TRIM4: variants seen among roughly 807,000 people sequenced by gnomAD.
TRIM4 encodes E3 ubiquitin-protein ligase TRIM4.
In TRIM4, 29 loss-of-function variants were observed where a neutral mutation model predicts 33.7. That is an observed-to-expected ratio of 0.86 (90% CI 0.64 to 1.17). TRIM4 has a LOEUF of 1.17. Among genes scored for constraint, TRIM4 ranks in the 50% most tolerant of loss-of-function variants. The pLI is 0.00. For synonymous variants in TRIM4, 224 were observed against 233.0 expected, an observed-to-expected ratio of 0.96 and a Z score of 0.35; for missense variants, 554 against 593.7, an observed-to-expected ratio of 0.93 and a Z score of 0.69.
intron 1 of TRIM4, chr7:99,917,732 A>T: frequency 1.2e-6 from 1 of 833,514 alleles, no homozygotes; most frequent in Non-Finnish European, 1.4e-6. Flanking sequence ...AAACAATAAT[A>T]ATAAAATAAA....
intron 2 of TRIM4, 39 bp downstream of exon 2, chr7:99,909,523 GGAC>G (rs1456632150): frequency 7.0e-6 from 11 of 1,571,178 alleles, no homozygotes; most frequent in Non-Finnish European, 9.6e-6. Context: ...CAGACCAAAA[GGAC>G]CTCAGGAGCA....
intron 5 of TRIM4, among the ~76,000 whole-genome samples, chr7:99,897,098 A>T (rs1021498974): frequency 2.0e-5 from 3 of 152,160 alleles, no homozygotes; most frequent in African/African-American, 7.2e-5. Context: ...TGGAGTTAGG[A>T]CTATCATGAC....
chr7:99,909,579 C>T lies in TRIM4; in HGVS notation c.475G>A (p.Ala159Thr), dbSNP rs762624048. 5.6e-6 allele frequency: 9 copies of T among 1,613,962 alleles called. No individual in the cohort carries two copies. The highest frequency in any genetic ancestry group is 1.1e-5 in the South Asian group (1 of 91,072). Residue 159 changes from alanine to threonine, a missense_variant, in exon 2 of 6, where the codon GCC becomes ACC. Physicochemically the swap from Ala to Thr is moderately conservative, Grantham distance 58. Coordinates refer to ENST00000349062, the MANE Select transcript of TRIM4 (RefSeq NM_033091.3). Reference protein sequence around the residue: ...MHLQDVEVKNATQWKDKIKSQ... With the variant: ...MHLQDVEVKNTTQWKDKIKSQ... ...TCTGCCATTACCTTCCACTGTGTGG[C>T]GTTCTTCACTTCTACATCCTGTAAA... is the stretch of plus-strand genomic sequence containing the variant.
intron 3 of TRIM4, among the ~76,000 whole-genome samples, chr7:99,905,675 T>C (rs920383370): frequency 3.9e-5 from 6 of 152,226 alleles, no homozygotes; most frequent in Admixed American, 2.6e-4. Flanking sequence ...CAACCAAAAA[T>C]GTCTCTATAT....
chr7:99,903,540 C>T (rs981308722), intron 4 of TRIM4, 36 bp downstream of exon 4: 1 of 1,613,804 alleles, frequency 6.2e-7, no homozygotes, highest in Non-Finnish European at 8.5e-7. Flanking sequence ...CTTTACCATG[C>T]CACCCAGGTC....
chr7:99,915,081 A>G (rs1819524899), intron 1 of TRIM4, among the ~76,000 whole-genome samples: 1 of 152,180 alleles, frequency 6.6e-6, no homozygotes, highest in South Asian at 2.1e-4. Context: ...AAGTGCTGGG[A>G]TTACAGGCGT....
At chr7:99,904,599 T>C (rs1363426712) in intron 3 of TRIM4, among the ~76,000 whole-genome samples, 4 of 152,168 alleles carry the variant, frequency 2.6e-5, no homozygotes, top group Admixed American at 1.3e-4. Flanking sequence ...ATGTTGACAA[T>C]AGGGGAAACT....
chr7:99,916,650 C>A, intron 1 of TRIM4: 1 of 767,030 alleles, frequency 1.3e-6, no homozygotes, highest in Admixed American at 1.8e-5. Context: ...ATTATCACTC[C>A]ATCCCTCCCT....
At chr7:99,899,662 C>T (rs1819109317) in intron 5 of TRIM4, among the ~76,000 whole-genome samples, 1 of 152,282 alleles carries the variant, frequency 6.6e-6, no homozygotes, top group East Asian at 1.9e-4. Context: ...CAAAATACAC[C>T]ATATTTTGTC....
rs76595998 is a variant in TRIM4 at position 99,894,644 on chromosome 7, G to C, written c.842-1898C>G. 2.5e-3 allele frequency among the ~76,000 whole-genome samples: 381 copies of C among 150,642 alleles called. 1 individual carries two copies. Among genetic ancestry groups the C allele is most frequent in the African/African-American group, 8.5e-3 (348 of 40,910 alleles). On this transcript the variant is annotated intron_variant, in intron 5 of 5. Transcript: ENST00000349062. ...ATTGCACCACTGCGCCCCAGCCTAGGCAACAGACCAAGACTCCATCCCCCC... is the reference window on the plus strand; with the variant it reads ...ATTGCACCACTGCGCCCCAGCCTAGCCAACAGACCAAGACTCCATCCCCCC...
At chr7:99,917,902 G>T in intron 1 of TRIM4, 1 of 958,080 alleles carries the variant, frequency 1.0e-6, no homozygotes, top group Non-Finnish European at 1.2e-6. Context: ...GATAGATGTG[G>T]GTAGAGAAAG....
rs890678176 is a variant in TRIM4 at position 99,890,513 on chromosome 7, T to G, written c.*1650A>C. On this transcript the variant is annotated 3_prime_UTR_variant, in exon 6 of 6. Transcript: ENST00000349062. ...GACTGGATAAAGAAAACATAGTACATATACACCATGGAATACTATGCAGCC... is the reference window on the plus strand; with the variant it reads ...GACTGGATAAAGAAAACATAGTACAGATACACCATGGAATACTATGCAGCC... 4 of 152,128 alleles carry G rather than the reference T, an allele frequency of 2.6e-5. No individual in the cohort carries two copies. Among genetic ancestry groups the G allele is most frequent in the Non-Finnish European group, 5.9e-5 (4 of 68,022 alleles). 9.4% of individuals were successfully genotyped at this position (152,128 alleles called of 1,614,324 possible). A position where few individuals can be genotyped will look rare whatever the true frequency, so the allele number is the denominator to read the frequency against.
intron 1 of TRIM4, among the ~76,000 whole-genome samples, chr7:99,910,118 A>G (rs1819406264): frequency 6.6e-6 from 1 of 152,200 alleles, no homozygotes; most frequent in Non-Finnish European, 1.5e-5. Flanking sequence ...GGCCTATGAT[A>G]AGAACTATTC....
chr7:99,892,622 A>G lies in TRIM4; in HGVS notation c.966T>C (p.Phe322=), dbSNP rs1334941636. ...WPVFSSAWNY[F]AGWRNPQKTA... is the part of the protein sequence containing the mutation. ...TCTTCTGAGGATTCCTCCATCCAGC[A>G]AAGTAGTTCCATGCTGAAGAAAACA... is the stretch of plus-strand genomic sequence containing the variant. The change falls in exon 6 of 6, where the codon TTT becomes TTC. Residue 322 remains phenylalanine, a synonymous_variant. Coordinates refer to ENST00000349062, the MANE Select transcript of TRIM4 (RefSeq NM_033091.3). 8 of 1,614,088 alleles carry G rather than the reference A, an allele frequency of 5.0e-6. No homozygotes were observed. The African/African-American group carries it at 8.0e-5, about 16-fold the overall frequency.
chr7:99,891,015 CAT>C lies in TRIM4; in HGVS notation c.*1146_*1147del, dbSNP rs1477037018. 1 of 152,154 alleles carries C rather than the reference CAT, an allele frequency of 6.6e-6. No homozygotes were observed. Among genetic ancestry groups the C allele is most frequent in the Non-Finnish European group, 1.5e-5 (1 of 68,038 alleles). 9.4% of individuals were successfully genotyped at this position (152,154 alleles called of 1,614,324 possible). A position where few individuals can be genotyped will look rare whatever the true frequency, so the allele number is the denominator to read the frequency against. The stretch of plus-strand genomic sequence containing the variant: ...TTACAAACTTTCTACAATAAGTACA[CAT>C]GACTTATATAAACAGAGAAAAGCAA... On this transcript the variant is annotated 3_prime_UTR_variant, in exon 6 of 6. Transcript: ENST00000349062.
At chr7:99,916,584 CCT>C (rs1819559698) in intron 1 of TRIM4, 50 of 696,654 alleles carry the variant, frequency 7.2e-5, no homozygotes, top group Admixed American at 8.4e-5. Flanking sequence ...ATCCAAGACT[CCT>C]CTCTCTCTCA....
intron 1 of TRIM4, among the ~76,000 whole-genome samples, chr7:99,918,087 T>A (rs1819596934): frequency 6.6e-6 from 1 of 152,222 alleles, no homozygotes; most frequent in Non-Finnish European, 1.5e-5. Context: ...CCCAGCCTCA[T>A]CATTACAAGC....
In TRIM4 at chr7:99,890,522, T is replaced by G. The variant is rs759345449; in HGVS notation, c.*1641A>C. 1 of 152,178 alleles carries G rather than the reference T, an allele frequency of 6.6e-6. No individual in the cohort carries two copies. The highest frequency in any genetic ancestry group is 2.4e-5 in the African/African-American group (1 of 41,434). 9.4% of individuals were successfully genotyped at this position (152,178 alleles called of 1,614,324 possible). ...AAGAAAACATAGTACATATACACCA[T>G]GGAATACTATGCAGCCATAAAAAAA... is the stretch of plus-strand genomic sequence containing the variant. On this transcript the variant is annotated 3_prime_UTR_variant, in exon 6 of 6. Transcript: ENST00000349062.
intron 2 of TRIM4, 65 bp downstream of exon 2, chr7:99,909,500 G>T: frequency 6.9e-7 from 1 of 1,441,568 alleles, no homozygotes; most frequent in Non-Finnish European, 9.7e-7. Context: ...GACCTCAGAA[G>T]CAAGAAATGT....
Sources: allele counts gnomAD v4.1 joint callset (sites outside exome capture counted in the v4.1 genomes callset), GRCh38; gene constraint gnomAD v4.1.1; transcripts MANE v1.5; gene names NCBI Gene and HGNC (gene_info 2026-07-23, HGNC 2026-07-21).